The following IGFL2 variants were observed in gnomAD, a reference collection of about 807,000 sequenced individuals.
IGFL2 encodes insulin growth factor-like family member 2.
IGFL2 carries 7 observed loss-of-function variants against 13.9 expected under a neutral mutation model. The observed-to-expected ratio is 0.51, with a 90% confidence interval of 0.29 to 0.95. The LOEUF (loss-of-function observed/expected upper bound fraction) is 0.95. IGFL2 is among the 40% of genes least tolerant of loss of function. The probability of loss-of-function intolerance (pLI) is 0.08; values close to 1 mark genes in which losing one functional copy is unlikely to be tolerated. For missense variants in IGFL2, 138 were observed against 147.8 expected, an observed-to-expected ratio of 0.93 and a Z score of 0.34; for synonymous variants, 55 against 55.8, an observed-to-expected ratio of 0.99 and a Z score of 0.07.
chr19:46,166,178 G>C (rs186284576), downstream of IGFL2, among the ~76,000 whole-genome samples: 19 of 152,308 alleles, frequency 1.2e-4, no homozygotes, highest in Non-Finnish European at 2.6e-4. Context: ...CGGGGGACCT[G>C]CCCCGATAAT....
chr19:46,106,548 C>T, the IGFL2 span, among the ~76,000 whole-genome samples: 2 of 152,012 alleles, frequency 1.3e-5, no homozygotes, highest in African/African-American at 4.8e-5. Flanking sequence ...AGATCCAGAA[C>T]AGAATAATGG....
At chr19:46,213,895 A>T in the IGFL2 span, 1 of 153,364 alleles carries the variant, frequency 6.5e-6, no homozygotes, top group Non-Finnish European at 1.5e-5. Context: ...AAAACTAAAA[A>T]GTTTTAAGTG....
the IGFL2 span, among the ~76,000 whole-genome samples, chr19:46,188,974 T>C: frequency 2.0e-5 from 3 of 152,262 alleles, no homozygotes; most frequent in African/African-American, 7.2e-5. Context: ...TGTGGGTTTT[T>C]CTCCCCATGT....
At chr19:46,129,992 T>A in the IGFL2 span, among the ~76,000 whole-genome samples, 1 of 152,180 alleles carries the variant, frequency 6.6e-6, no homozygotes, top group Non-Finnish European at 1.5e-5. Flanking sequence ...TGTATGGATG[T>A]CTAGATCTCT....
chr19:46,106,261 T>C, the IGFL2 span, among the ~76,000 whole-genome samples: 2 of 152,196 alleles, frequency 1.3e-5, no homozygotes, highest in South Asian at 2.1e-4. Context: ...AGAATAGATG[T>C]TGGAGGAGCA....
the IGFL2 span, among the ~76,000 whole-genome samples, chr19:46,094,754 T>C: frequency 0.013 from 2,018 of 152,270 alleles, 31 homozygotes; most frequent in Middle Eastern, 0.027. Flanking sequence ...TGTTCAGCTC[T>C]CACTTACAAG....
chr19:46,080,924 C>G, the IGFL2 span, among the ~76,000 whole-genome samples: 1 of 152,250 alleles, frequency 6.6e-6, no homozygotes, highest in East Asian at 1.9e-4. Context: ...CAGGTGGACA[C>G]TGTAGCGCAG....
the IGFL2 span, chr19:46,212,992 C>T: frequency 4.6e-5 from 7 of 152,276 alleles, no homozygotes; most frequent in South Asian, 2.1e-4. Context: ...CTCTCCCACC[C>T]GAATGCCATG....
At chr19:46,106,835 G>A in the IGFL2 span, among the ~76,000 whole-genome samples, 28 of 152,198 alleles carry the variant, frequency 1.8e-4, no homozygotes, top group African/African-American at 6.0e-4. Context: ...AGATTTTAAT[G>A]GGATGATAAG....
chr19:46,149,180 CTCT>C (rs1247621849), intron 1 of IGFL2: 45 of 192,344 alleles, frequency 2.3e-4, no homozygotes, highest in Non-Finnish European at 5.6e-4. Flanking sequence ...TCTCTCTTCT[CTCT>C]CTCTTTCTCT....
At chr19:46,169,423 A>G in the IGFL2 span, among the ~76,000 whole-genome samples, 6 of 152,186 alleles carry the variant, frequency 3.9e-5, no homozygotes, top group Non-Finnish European at 1.5e-5. Context: ...ACTCTAAAGC[A>G]AAAATAATGC....
At chr19:46,193,067 C>T in the IGFL2 span, among the ~76,000 whole-genome samples, 1 of 152,078 alleles carries the variant, frequency 6.6e-6, no homozygotes, top group Non-Finnish European at 1.5e-5. Flanking sequence ...TGGCATGTGT[C>T]TGTGATCCCA....
At chr19:46,134,998 T>C in the IGFL2 span, among the ~76,000 whole-genome samples, 4 of 152,178 alleles carry the variant, frequency 2.6e-5, no homozygotes, top group Non-Finnish European at 5.9e-5. Flanking sequence ...GGCATCCTGA[T>C]TATCTCTTTA....
the IGFL2 span, chr19:46,203,709 T>G: frequency 2.0e-5 from 3 of 152,388 alleles, no homozygotes; most frequent in Admixed American, 6.5e-5. Context: ...CATTCTGGGT[T>G]TTTTTGTTTT....
the IGFL2 span, among the ~76,000 whole-genome samples, chr19:46,202,030 G>T: frequency 6.6e-6 from 1 of 152,110 alleles, no homozygotes; most frequent in Non-Finnish European, 1.5e-5. Context: ...CTGGGACCTC[G>T]CTTGGCCTGG....
the IGFL2 span, among the ~76,000 whole-genome samples, chr19:46,178,379 TAGCC>T: frequency 6.6e-6 from 1 of 152,168 alleles, no homozygotes; most frequent in Non-Finnish European, 1.5e-5. Flanking sequence ...ACACTACAGA[TAGCC>T]AGCCCTGAAG....
the IGFL2 span, among the ~76,000 whole-genome samples, chr19:46,188,683 A>G: frequency 6.6e-6 from 1 of 152,210 alleles, no homozygotes; most frequent in African/African-American, 2.4e-5. Context: ...ACCCATACCC[A>G]GCTGGCCCCT....
chr19:46,189,146 G>T, the IGFL2 span: 1 of 159,016 alleles, frequency 6.3e-6, no homozygotes, highest in South Asian at 1.9e-4. Context: ...GGGGCAGGGT[G>T]AGCAGTGTGA....
chr19:46,155,685 G>A (rs1456289086), intron 1 of IGFL2, among the ~76,000 whole-genome samples: 1 of 152,116 alleles, frequency 6.6e-6, no homozygotes, highest in Non-Finnish European at 1.5e-5. Flanking sequence ...TTCACATTTT[G>A]TGTGAGATAA....
Sources: allele counts gnomAD v4.1 joint callset (sites outside exome capture counted in the v4.1 genomes callset), GRCh38; gene constraint gnomAD v4.1.1; transcripts MANE v1.5; gene names NCBI Gene and HGNC (gene_info 2026-07-23, HGNC 2026-07-21).